The following OR6B1 variants were observed in gnomAD, a reference collection of about 807,000 sequenced individuals.
OR6B1 encodes olfactory receptor family 6 subfamily B member 1.
In OR6B1, 15 loss-of-function variants were observed where a neutral mutation model predicts 15.4. That is an observed-to-expected ratio of 0.97 (90% confidence interval 0.65 to 1.50). The LOEUF is 1.50. OR6B1 is among the 40% of genes most tolerant of loss of function. The pLI, the probability that OR6B1 is intolerant of heterozygous loss-of-function variation, is 0.00. For synonymous variants in OR6B1, 139 were observed against 144.9 expected, an observed-to-expected ratio of 0.96 and a Z score of 0.29; for missense variants, 384 against 385.0, an observed-to-expected ratio of 1.00 and a Z score of 0.02.
intron 1 of OR6B1, among the ~76,000 whole-genome samples, chr7:144,002,685 C>T (rs1328168484): frequency 2.0e-5 from 3 of 152,146 alleles, no homozygotes; most frequent in Non-Finnish European, 4.4e-5. Flanking sequence ...CTTTCCATTG[C>T]GTAAATCATA....
rs1383408900 is a variant in OR6B1, at chr7:144,004,531, T to C, written c.535T>C (p.Cys179Arg). The C allele has an allele frequency of 1.9e-6, 3 of 1,614,224 alleles. No homozygotes were observed. Among genetic ancestry groups the C allele is most frequent in the Admixed American group, 3.3e-5 (2 of 60,020 alleles). The change falls in exon 2 of 2, where the codon TGT (cysteine) becomes CGT (arginine). Residue 179 changes from cysteine to arginine, a missense_variant. Transcript: ENST00000641698. ...CGPNVINHFF[C>R]DISPVLNLSC... ...TCCCAATGTCATCAACCACTTCTTC[T>C]GTGACATCTCTCCAGTACTTAATCT...
chr7:144,004,873 C>G lies in OR6B1; in HGVS notation c.877C>G (p.Arg293Gly). 8.1e-6 allele frequency: 13 copies of G among 1,612,002 alleles called. No homozygotes were observed. Among genetic ancestry groups the G allele is most frequent in the Non-Finnish European group, 9.3e-6 (11 of 1,179,956 alleles). The change falls in exon 2 of 2, where the codon CGA (arginine) becomes GGA (glycine). Residue 293 changes from arginine (R) to glycine (G), a missense_variant. By Grantham distance (125) the Arg-to-Gly change is moderately radical. Coordinates refer to ENST00000641698, the MANE Select transcript of OR6B1 (RefSeq NM_001005281.3). ...CCCTTTCATTTATTGCCTAAGAAAC[C>G]GAGAGGTCAAGGAAGCTCTGAAGAA... ...LNPFIYCLRNREVKEALKKLA... is the reference protein window; with the variant it reads ...LNPFIYCLRNGEVKEALKKLA...
rs146839548 is a variant in OR6B1 at position 144,003,073 on chromosome 7, A to T, written c.-25-899A>T. Among the ~76,000 whole-genome samples, 327 of 152,204 alleles carry T rather than the reference A, an allele frequency of 2.1e-3. 1 individual carries two copies. Among genetic ancestry groups the T allele is most frequent in the African/African-American group, 7.5e-3 (310 of 41,524 alleles). ...TGTCTTTAAAAATCTTCACTCAGTG[A>T]TCCCCATTTTCACTCTCAAGAATGT... On this transcript the variant is annotated intron_variant, in intron 1 of 1. Coordinates refer to ENST00000641698, the MANE Select transcript of OR6B1 (RefSeq NM_001005281.3).
chr7:144,000,940 C>T (rs2050581664), intron 1 of OR6B1, among the ~76,000 whole-genome samples: 1 of 152,176 alleles, frequency 6.6e-6, no homozygotes, highest in Non-Finnish European at 1.5e-5. Context: ...AGATCCCTAC[C>T]ATTGACCCGA....
rs200560520 is a variant in OR6B1, at chr7:144,004,483, A to C, written c.487A>C (p.Ile163Leu). 215 of 1,614,102 alleles carry C rather than the reference A, an allele frequency of 1.3e-4. 1 individual carries two copies. In the Admixed American group the frequency reaches 3.5e-3, roughly 27 times the overall value. The change falls in exon 2 of 2, where the codon ATC (isoleucine) becomes CTC (leucine). Residue 163 changes from isoleucine to leucine, a missense_variant. Physicochemically the swap from Ile to Leu is conservative, Grantham distance 5 (BLOSUM62 2). Coordinates refer to ENST00000641698, the MANE Select transcript of OR6B1 (RefSeq NM_001005281.3). ...CATCTCCCTGGCGAAGATCTACTTCATCTCCTGCCTCAGCTTCTGTGGTCC... is the reference window on the plus strand; with the variant it reads ...CATCTCCCTGGCGAAGATCTACTTCCTCTCCTGCCTCAGCTTCTGTGGTCC... ...FGISLAKIYF[I>L]SCLSFCGPNV...
At position 144,004,015 on chromosome 7, in the gene OR6B1, A is replaced by G; in HGVS notation, c.19A>G (p.Thr7Ala). ...CTCCAATATGGAGTTGGAGAACCAG[A>G]CACGAGTCACCAAGTTCATTCTGGT... MELENQ[T>A]RVTKFILVGF... is the part of the protein sequence containing the mutation. The change falls in exon 2 of 2, where the codon ACA (threonine) becomes GCA (alanine). Residue 7 changes from threonine (T) to alanine (A), a missense_variant. Physicochemically the swap from Thr to Ala is moderately conservative, Grantham distance 58. Transcript: ENST00000641698. The G allele has an allele frequency of 6.2e-7, 1 of 1,611,782 alleles. No homozygotes were observed. The highest frequency in any genetic ancestry group is 8.5e-7 in the Non-Finnish European group (1 of 1,178,752).
chr7:144,002,634 C>T (rs2050591928), intron 1 of OR6B1, among the ~76,000 whole-genome samples: 1 of 152,230 alleles, frequency 6.6e-6, no homozygotes, highest in African/African-American at 2.4e-5. Context: ...ACAGCTCATG[C>T]TCTTGCCTCC....
intron 1 of OR6B1, among the ~76,000 whole-genome samples, chr7:144,003,287 G>A (rs935720360): frequency 3.3e-5 from 5 of 152,130 alleles, no homozygotes; most frequent in African/African-American, 1.2e-4. Context: ...TTTGGATTTT[G>A]ATCCTCAATG....
Position 144,004,118 on chromosome 7 carries a change from A to G in OR6B1, c.122A>G (p.Glu41Gly). 6.2e-7 allele frequency: 1 copy of G among 1,614,162 alleles called. No individual in the cohort carries two copies. Among genetic ancestry groups the G allele is most frequent in the Non-Finnish European group, 8.5e-7 (1 of 1,180,034 alleles). The change falls in exon 2 of 2, where the codon GAA becomes GGA. Residue 41 changes from glutamate to glycine, a missense_variant. Coordinates refer to ENST00000641698, the MANE Select transcript of OR6B1 (RefSeq NM_001005281.3). ...GTGGCCTATATTCTGACAGTGGCTG[A>G]AAACGTGATCATCATCCTATTGGTG... ...FLVAYILTVA[E>G]NVIIILLVLQ...
Position 144,004,927 on chromosome 7 carries a change from G to T in OR6B1, c.931G>T (p.Asp311Tyr). 2 of 1,593,332 alleles carry T rather than the reference G, an allele frequency of 1.3e-6. No individual in the cohort carries two copies. Among genetic ancestry groups the T allele is most frequent in the South Asian group, 2.2e-5 (2 of 89,064 alleles). ...KLAYCQASRS[D>Y] ...GGCATATTGCCAGGCCAGCAGATCT[G>T]ACTAGTCAATTACAGCTGATTAGAA... The change falls in exon 2 of 2, where the codon GAC (aspartate) becomes TAC (tyrosine). Residue 311 changes from aspartate (D) to tyrosine (Y), a missense_variant. By Grantham distance (160) the Asp-to-Tyr change is radical (BLOSUM62 -3). Coordinates refer to ENST00000641698, the MANE Select transcript of OR6B1 (RefSeq NM_001005281.3).
At position 144,004,308 on chromosome 7, in the gene OR6B1, C is replaced by A; in HGVS notation, c.312C>A (p.Phe104Leu). 1 of 1,614,210 alleles carries A rather than the reference C, an allele frequency of 6.2e-7. No individual in the cohort carries two copies. The highest frequency in any genetic ancestry group is 8.5e-7 in the Non-Finnish European group (1 of 1,180,020). Reference protein sequence around the residue: ...FTLCMIQLYFFIALMCTECVL... With the variant: ...FTLCMIQLYFLIALMCTECVL... Reference sequence around the variant, plus strand: ...TCTGTATGATACAACTGTACTTCTTCATTGCTCTCATGTGCACAGAATGTG... The same window carrying A: ...TCTGTATGATACAACTGTACTTCTTAATTGCTCTCATGTGCACAGAATGTG... Residue 104 changes from phenylalanine (F) to leucine (L), a missense_variant, in exon 2 of 2, where the codon TTC becomes TTA. Transcript: ENST00000641698.
At chr7:144,000,949 G>A (rs1586857873) in intron 1 of OR6B1, among the ~76,000 whole-genome samples, 3 of 152,132 alleles carry the variant, frequency 2.0e-5, no homozygotes, top group South Asian at 4.1e-4. Context: ...CCATTGACCC[G>A]ATGACCTGAT....
rs371866605 is a variant in OR6B1, at chr7:144,004,120, A to G, written c.124A>G (p.Asn42Asp). 2.5e-6 allele frequency: 4 copies of G among 1,613,972 alleles called. No individual in the cohort carries two copies. Among genetic ancestry groups the G allele is most frequent in the Non-Finnish European group, 2.5e-6 (3 of 1,180,034 alleles). Residue 42 changes from asparagine to aspartate, a missense_variant, in exon 2 of 2, where the codon AAC becomes GAC. Physicochemically the swap from Asn to Asp is conservative, Grantham distance 23. Transcript: ENST00000641698. Reference sequence around the variant, plus strand: ...GGCCTATATTCTGACAGTGGCTGAAAACGTGATCATCATCCTATTGGTGCT... The same window carrying G: ...GGCCTATATTCTGACAGTGGCTGAAGACGTGATCATCATCCTATTGGTGCT... Reference protein sequence around the residue: ...LVAYILTVAENVIIILLVLQN... With the variant: ...LVAYILTVAEDVIIILLVLQN...
At chr7:144,001,098 C>G (rs1296602677) in intron 1 of OR6B1, among the ~76,000 whole-genome samples, 1 of 152,092 alleles carries the variant, frequency 6.6e-6, no homozygotes, top group African/African-American at 2.4e-5. Flanking sequence ...TGTATAGAAC[C>G]CTGACAAAGT....
intron 1 of OR6B1, among the ~76,000 whole-genome samples, chr7:144,002,539 GTATCTTAAATC>G (rs2050591473): frequency 6.6e-6 from 1 of 152,114 alleles, no homozygotes; most frequent in Non-Finnish European, 1.5e-5. Context: ...CTTCTAACGT[GTATCTTAAATC>G]TGCTTCTCTG....
chr7:144,005,089 A>G lies in OR6B1; in HGVS notation c.*157A>G. Reference sequence around the variant, plus strand: ...GGCGCTTGGGTATCTGCATCTGTGCATATGGTCAGTGCTCTAAGGCCATAC... The same window carrying G: ...GGCGCTTGGGTATCTGCATCTGTGCGTATGGTCAGTGCTCTAAGGCCATAC... On this transcript the variant is annotated 3_prime_UTR_variant, in exon 2 of 2. Transcript: ENST00000641698. The G allele has an allele frequency of 1.6e-6, 1 of 612,528 alleles. No individual in the cohort carries two copies. Among genetic ancestry groups the G allele is most frequent in the Non-Finnish European group, 2.9e-6 (1 of 350,100 alleles). The allele number at this position is 612,528 out of a possible 1,614,324, so 37.9% of individuals were successfully genotyped here.
Position 144,006,235 on chromosome 7 carries a change from T to C in OR6B1, c.*1303T>C, listed in dbSNP as rs2116977467. The C allele has an allele frequency of 1.3e-5, 2 of 152,312 alleles. 1 individual carries two copies. The highest frequency in any genetic ancestry group is 4.1e-4 in the South Asian group (2 of 4,828). 9.4% of individuals were successfully genotyped at this position (152,312 alleles called of 1,614,324 possible). A position where few individuals can be genotyped will look rare whatever the true frequency, so the allele number is the denominator to read the frequency against. Reference sequence around the variant, plus strand: ...GACAGTGGGAGAGCAGAGGTCAAAGTCCCAGTTCCCTGAATCCAAACCCTG... The same window carrying C: ...GACAGTGGGAGAGCAGAGGTCAAAGCCCCAGTTCCCTGAATCCAAACCCTG... On this transcript the variant is annotated 3_prime_UTR_variant, in exon 2 of 2. Transcript: ENST00000641698.
chr7:144,007,616 T>A lies in OR6B1; in HGVS notation c.*2684T>A, dbSNP rs2050632705. 1 of 152,046 alleles carries A rather than the reference T, an allele frequency of 6.6e-6. No individual in the cohort carries two copies. Among genetic ancestry groups the A allele is most frequent in the African/African-American group, 2.4e-5 (1 of 41,426 alleles). The allele number at this position is 152,046 out of a possible 1,614,324, so 9.4% of individuals were successfully genotyped here. A position where few individuals can be genotyped will look rare whatever the true frequency, so the allele number is the denominator to read the frequency against. Reference sequence around the variant, plus strand: ...CTATTATGTACGTGTAGGGATACAATAGCAAAATATTAAAACTTGTTACCT... The same window carrying A: ...CTATTATGTACGTGTAGGGATACAAAAGCAAAATATTAAAACTTGTTACCT... On this transcript the variant is annotated 3_prime_UTR_variant, in exon 2 of 2. Coordinates refer to ENST00000641698, the MANE Select transcript of OR6B1 (RefSeq NM_001005281.3).
In OR6B1 at chr7:144,008,598, T is replaced by G. The variant is rs1388695676; in HGVS notation, c.*3666T>G. 1 of 152,224 alleles carries G rather than the reference T, an allele frequency of 6.6e-6. No individual in the cohort carries two copies. The highest frequency in any genetic ancestry group is 2.4e-5 in the African/African-American group (1 of 41,440). The allele number at this position is 152,224 out of a possible 1,614,324, so 9.4% of individuals were successfully genotyped here. ...GGGTGGTTCCCCCATGCTGTTCTCA[T>G]GATAGTGAGTGAGTTCTCACAAGAT... is the stretch of plus-strand genomic sequence containing the variant. On this transcript the variant is annotated 3_prime_UTR_variant, in exon 2 of 2. Coordinates refer to ENST00000641698, the MANE Select transcript of OR6B1 (RefSeq NM_001005281.3).
Sources: gnomAD v4.1 joint callset for allele counts (sites outside exome capture counted in the v4.1 genomes callset) on GRCh38, gnomAD v4.1.1 for gene constraint, MANE v1.5 for transcripts, NCBI Gene and HGNC (gene_info 2026-07-23, HGNC 2026-07-21) for gene names.